PAXBP1: variants seen among roughly 807,000 people sequenced by gnomAD.
The protein encoded by PAXBP1 is PAX3 and PAX7 binding protein 1.
PAXBP1 carries 44 observed loss-of-function variants against 119.9 expected under a neutral mutation model. The ratio of observed to expected loss-of-function variants is 0.37; its 90% CI spans 0.29 to 0.47. The LOEUF is 0.47. Ranked by LOEUF, PAXBP1 falls within the 20% of genes least tolerant of loss-of-function variation. The probability of loss-of-function intolerance (pLI) is 0.99; values close to 1 mark genes in which losing one functional copy is unlikely to be tolerated. For missense variants in PAXBP1, 898 were observed against 1,134.1 expected (o/e 0.79, Z 2.99); for synonymous variants, 393 against 406.6 (o/e 0.97, Z 0.40).
chr21:32,741,304 T>C, intron 15 of PAXBP1: 1 of 405,280 alleles, frequency 2.5e-6, no homozygotes, highest in South Asian at 3.7e-5. Flanking sequence ...CTTTGCCCTA[T>C]GAAGTTTCGC....
chr21:32,762,061 T>C, intron 4 of PAXBP1, 35 bp downstream of exon 4: 1 of 1,609,780 alleles, frequency 6.2e-7, no homozygotes, highest in Non-Finnish European at 8.5e-7. Context: ...AAAAAGGCAA[T>C]GCAATAGGCT....
At chr21:32,764,271 T>C in intron 3 of PAXBP1, 77 bp downstream of exon 3, 1 of 1,412,642 alleles carries the variant, frequency 7.1e-7, no homozygotes, top group Non-Finnish European at 9.7e-7. Context: ...AGCTAATTCC[T>C]TCTTAATAAT....
intron 2 of PAXBP1, among the ~76,000 whole-genome samples, chr21:32,766,305 C>T (rs887072672): frequency 6.6e-6 from 1 of 152,170 alleles, no homozygotes; most frequent in Admixed American, 6.6e-5. Flanking sequence ...TGAGCAAACA[C>T]AAGCCGAAAG....
intron 11 of PAXBP1, among the ~76,000 whole-genome samples, chr21:32,747,947 ATTTTT>A (rs757138549): frequency 7.1e-5 from 10 of 140,278 alleles, no homozygotes; most frequent in South Asian, 2.3e-4. Flanking sequence ...ACCACAGCTA[ATTTTT>A]TTTTTTTTTT....
At chr21:32,753,912 C>A (rs544153139) in intron 8 of PAXBP1, among the ~76,000 whole-genome samples, 4 of 152,276 alleles carry the variant, frequency 2.6e-5, no homozygotes, top group African/African-American at 9.6e-5. Flanking sequence ...AGAAAATTAC[C>A]TCCCTTTGTA....
In PAXBP1 at chr21:32,745,601, C is replaced by T; in HGVS notation, c.2041G>A (p.Glu681Lys). 1 of 1,614,028 alleles carries T rather than the reference C, an allele frequency of 6.2e-7. No individual in the cohort carries two copies. The highest frequency in any genetic ancestry group is 2.2e-5 in the East Asian group (1 of 44,874). Reference sequence around the variant, plus strand: ...GTTAGTTTAGGAAGAATCACCTTTTCCACAATGGTAGGTAGTAGGGCAACA... The same window carrying T: ...GTTAGTTTAGGAAGAATCACCTTTTTCACAATGGTAGGTAGTAGGGCAACA... ...VDVALLPTIV[E>K]KVILPKLTVI... The change falls in exon 12 of 18, where the codon GAA becomes AAA. Residue 681 changes from glutamate to lysine, a missense_variant. Coordinates refer to ENST00000331923, the MANE Select transcript of PAXBP1 (RefSeq NM_016631.4).
chr21:32,755,923 A>G (rs2044036032), intron 7 of PAXBP1: 1 of 178,496 alleles, frequency 5.6e-6, no homozygotes, highest in Non-Finnish European at 1.2e-5. Flanking sequence ...CAGATTTTTT[A>G]ATGTAAACAA....
chr21:32,753,003 G>A (rs2043981445), intron 8 of PAXBP1, among the ~76,000 whole-genome samples: 1 of 151,946 alleles, frequency 6.6e-6, no homozygotes, highest in South Asian at 2.1e-4. Context: ...AAGGAGGTAT[G>A]TTCCTGAGTG....
intron 15 of PAXBP1, among the ~76,000 whole-genome samples, chr21:32,739,909 A>G: frequency 7.5e-6 from 1 of 133,040 alleles, no homozygotes; most frequent in African/African-American, 2.8e-5. Context: ...GTTTGAGACC[A>G]GCCTAGGCAA....
rs762670107 is a variant in PAXBP1 at position 32,738,179 on chromosome 21, G to T, written c.2475C>A (p.Ala825=). 8 of 1,567,808 alleles carry T rather than the reference G, an allele frequency of 5.1e-6. No individual in the cohort carries two copies. Among genetic ancestry groups the T allele is most frequent in the Non-Finnish European group, 6.9e-6 (8 of 1,164,836 alleles). Residue 825 remains alanine (A), a synonymous_variant, in exon 16 of 18, where the codon GCC becomes GCA. Transcript: ENST00000331923. ...TACTATGCATTTAACTCACATTTTGGGCTTTTTTGATGCTGTCATCTCCAT... is the reference window on the plus strand; with the variant it reads ...TACTATGCATTTAACTCACATTTTGTGCTTTTTTGATGCTGTCATCTCCAT... The part of the protein sequence containing the change: ...SEYGDDSIKK[A]QNVINCFPKQ...
chr21:32,739,304 G>A (rs2043738781), intron 15 of PAXBP1, among the ~76,000 whole-genome samples: 1 of 152,220 alleles, frequency 6.6e-6, no homozygotes, highest in South Asian at 2.1e-4. Flanking sequence ...AGTCAGACTG[G>A]CTGAGTTTGA....
rs200465600 is a variant in PAXBP1, at chr21:32,734,923, G to C, written c.*27C>G. The stretch of plus-strand genomic sequence containing the variant: ...TTTACACATTGGGAATGGTAATCAA[G>C]CAAATAGGTTTTTCAGTCTCATAGA... On this transcript the variant is annotated 3_prime_UTR_variant, in exon 18 of 18. Transcript: ENST00000331923. 1.3e-6 allele frequency: 2 copies of C among 1,540,224 alleles called. No individual in the cohort carries two copies. The highest frequency in any genetic ancestry group is 1.7e-5 in the Admixed American group (1 of 59,724).
intron 15 of PAXBP1, 73 bp downstream of exon 15, chr21:32,743,175 A>G (rs1601587194): frequency 1.7e-6 from 2 of 1,162,262 alleles, no homozygotes; most frequent in East Asian, 4.8e-5. Context: ...AATAAAAAAC[A>G]AAACACTCTA....
At chr21:32,744,644 G>T in intron 13 of PAXBP1, 148 bp downstream of exon 13, 2 of 717,502 alleles carry the variant, frequency 2.8e-6, no homozygotes, top group Non-Finnish European at 4.2e-6. Context: ...CTCAAATTTT[G>T]TGTATTTCAG....
rs147096453 is a variant in PAXBP1, at chr21:32,734,356, C to CT, written c.*593dup. 0.012 allele frequency: 1,781 copies of CT among 153,064 alleles called. 34 individuals are homozygous for CT. The highest frequency in any genetic ancestry group is 0.039 in the African/African-American group (1,602 of 41,544). 9.5% of individuals were successfully genotyped at this position (153,064 alleles called of 1,614,324 possible). On this transcript the variant is annotated 3_prime_UTR_variant, in exon 18 of 18. Coordinates refer to ENST00000331923, the MANE Select transcript of PAXBP1 (RefSeq NM_016631.4). ...ATTCACATTAAACCCACATTTGACT[C>CT]TAACGCTGATTCAAGGAAGAAAGTT...
intron 2 of PAXBP1, among the ~76,000 whole-genome samples, chr21:32,768,098 GT>G: frequency 6.6e-6 from 1 of 152,258 alleles, no homozygotes; most frequent in South Asian, 2.1e-4. Flanking sequence ...CCATTGTAAC[GT>G]TATTAACAGG....
chr21:32,771,263 C>T, intron 1 of PAXBP1, 63 bp downstream of exon 1: 2 of 1,391,366 alleles, frequency 1.4e-6, no homozygotes, highest in Non-Finnish European at 1.9e-6. Flanking sequence ...AATACGGGGG[C>T]GGGGGACGGG....
chr21:32,770,768 A>G (rs2044325572), intron 1 of PAXBP1, among the ~76,000 whole-genome samples: 1 of 152,182 alleles, frequency 6.6e-6, no homozygotes, highest in Non-Finnish European at 1.5e-5. Flanking sequence ...AAGGCTGGGT[A>G]TCTGCTACCC....
At position 32,759,201 on chromosome 21, in the gene PAXBP1, A is replaced by T; in HGVS notation, c.1262T>A (p.Val421Glu). Residue 421 changes from valine (V) to glutamate (E), a missense_variant, in exon 7 of 18, where the codon GTG becomes GAG. Coordinates refer to ENST00000331923, the MANE Select transcript of PAXBP1 (RefSeq NM_016631.4). ...TCTTTCAATAGCCCTGGTAGAGTCC[A>T]CTCGGCTTTGCAGATGTTTCTCATG... ...QQHEKHLQSRVDSTRAIERLE... is the reference protein window; with the variant it reads ...QQHEKHLQSREDSTRAIERLE... The T allele has an allele frequency of 6.2e-7, 1 of 1,614,020 alleles. No individual in the cohort carries two copies. Among genetic ancestry groups the T allele is most frequent in the Non-Finnish European group, 8.5e-7 (1 of 1,179,934 alleles).
Sources: allele counts gnomAD v4.1 joint callset (sites outside exome capture counted in the v4.1 genomes callset), GRCh38; gene constraint gnomAD v4.1.1; transcripts MANE v1.5; gene names NCBI Gene and HGNC (gene_info 2026-07-23, HGNC 2026-07-21).